The following CDC42BPA variants were observed in gnomAD, a reference collection of about 807,000 sequenced individuals.
CDC42BPA encodes the protein serine/threonine-protein kinase MRCK alpha.
A neutral mutation model predicts 223.5 loss-of-function variants in CDC42BPA; 80 were observed. The observed-to-expected ratio is 0.36, with a 90% CI of 0.30 to 0.43. The LOEUF is 0.43. CDC42BPA is among the 20% of genes least tolerant of loss of function. The pLI is 1.00. For synonymous variants in CDC42BPA, 694 were observed against 718.6 expected, an observed-to-expected ratio of 0.97 and a Z score of 0.55; for missense variants, 1,743 against 2,099.9, an observed-to-expected ratio of 0.83 and a Z score of 3.32.
intron 20 of CDC42BPA, among the ~76,000 whole-genome samples, chr1:227,071,719 C>CA (rs1041364712): frequency 2.0e-5 from 1 of 51,080 alleles, no homozygotes; most frequent in Non-Finnish European, 3.7e-5. Flanking sequence ...ATCCCACCCC[C>CA]CCCCCCCCAA....
rs565016280 is a variant in CDC42BPA at position 227,119,933 on chromosome 1, T to C, written c.1518A>G (p.Ser506=). ...CTTCAAGTTGCTGTTCCAAATGACT[T>C]GATTCTAAAAACAAAAGACAATGTT... is the stretch of plus-strand genomic sequence containing the variant. ...IEKLRKQVTE[S]SHLEQQLEEA... The change falls in exon 12 of 37, where the codon TCA becomes TCG. Residue 506 remains serine (S), a synonymous_variant. Coordinates refer to ENST00000366766, the MANE Select transcript of CDC42BPA (RefSeq NM_001394014.1). The C allele has an allele frequency of 7.6e-6, 12 of 1,583,584 alleles. No individual in the cohort carries two copies. The highest frequency in any genetic ancestry group is 8.6e-6 in the Non-Finnish European group (10 of 1,169,286).
At chr1:227,269,917 G>A (rs1183917224) in intron 1 of CDC42BPA, among the ~76,000 whole-genome samples, 1 of 152,116 alleles carries the variant, frequency 6.6e-6, no homozygotes, top group African/African-American at 2.4e-5. Flanking sequence ...TTATATTGCA[G>A]TAACTAAATA....
chr1:227,133,109 C>A (rs1657627884), intron 10 of CDC42BPA, among the ~76,000 whole-genome samples: 1 of 149,914 alleles, frequency 6.7e-6, no homozygotes. Context: ...CCCCGCCCGG[C>A]CAGCCGCCCT....
Position 227,006,949 on chromosome 1 carries a change from T to TCAACAACAACAA in CDC42BPA, c.4858-1850_4858-1839dup, listed in dbSNP as rs58305329. Reference sequence around the variant, plus strand: ...TCACTCTGCAGAGTGAGACTCCGTCTCAACAACAACAACAACAACAACAAC... The same window carrying TCAACAACAACAA: ...TCACTCTGCAGAGTGAGACTCCGTCTCAACAACAACAACAACAACAACAACAACAACAACAAC... On this transcript the variant is annotated intron_variant, in intron 34 of 36. Coordinates refer to ENST00000366766, the MANE Select transcript of CDC42BPA (RefSeq NM_001394014.1). 5.3e-3 allele frequency among the ~76,000 whole-genome samples: 781 copies of TCAACAACAACAA among 148,130 alleles called. 9 individuals carry two copies. Among genetic ancestry groups the TCAACAACAACAA allele is most frequent in the East Asian group, 0.021 (104 of 4,914 alleles).
intron 2 of CDC42BPA, among the ~76,000 whole-genome samples, chr1:227,236,340 C>A (rs1679012925): frequency 6.6e-6 from 1 of 152,086 alleles, no homozygotes; most frequent in Admixed American, 6.6e-5. Flanking sequence ...AATAACTGTG[C>A]CATTAAAAGT....
chr1:227,233,488 T>C (rs1572528245), intron 2 of CDC42BPA, among the ~76,000 whole-genome samples: 1 of 152,240 alleles, frequency 6.6e-6, no homozygotes, highest in South Asian at 2.1e-4. Flanking sequence ...GCATAAATCC[T>C]TTATCAAGTT....
chr1:227,316,087 G>C (rs1197297074), intron 1 of CDC42BPA, among the ~76,000 whole-genome samples: 1 of 152,116 alleles, frequency 6.6e-6, no homozygotes, highest in African/African-American at 2.4e-5. Context: ...GTATTCCAAA[G>C]GTACAAAATC....
chr1:227,074,538 T>C (rs951969144), intron 17 of CDC42BPA, among the ~76,000 whole-genome samples, 174 bp from the exon 18 acceptor site: 1 of 152,188 alleles, frequency 6.6e-6, no homozygotes, highest in Non-Finnish European at 1.5e-5. Flanking sequence ...GGAAGAGGTT[T>C]ATGGAACTGT....
At chr1:227,071,812 T>C (rs999912018) in intron 20 of CDC42BPA, among the ~76,000 whole-genome samples, 3 of 144,704 alleles carry the variant, frequency 2.1e-5, no homozygotes, top group African/African-American at 7.6e-5. Flanking sequence ...TTAACACACA[T>C]TGCCACTGTC....
At chr1:227,028,032 A>G (rs1397495006) in intron 30 of CDC42BPA, among the ~76,000 whole-genome samples, 1 of 151,770 alleles carries the variant, frequency 6.6e-6, no homozygotes, top group African/African-American at 2.4e-5. Context: ...AAGTAGGAGG[A>G]CTGCTTCAGT....
chr1:227,306,107 T>C (rs191043201), intron 1 of CDC42BPA, among the ~76,000 whole-genome samples: 2 of 151,622 alleles, frequency 1.3e-5, no homozygotes, highest in South Asian at 2.1e-4. Flanking sequence ...AAGCAGGATG[T>C]TGACATGATC....
chr1:227,100,459 A>G (rs1307187826), intron 15 of CDC42BPA, among the ~76,000 whole-genome samples: 1 of 152,080 alleles, frequency 6.6e-6, no homozygotes, highest in Non-Finnish European at 1.5e-5. Flanking sequence ...TTTATGTTTC[A>G]GTCATAGTAA....
At chr1:227,167,401 G>T (rs563606942) in intron 5 of CDC42BPA, among the ~76,000 whole-genome samples, 1 of 152,232 alleles carries the variant, frequency 6.6e-6, no homozygotes, top group South Asian at 2.1e-4. Flanking sequence ...AAATCCAGTA[G>T]CATCTTTTTA....
chr1:227,254,832 G>C (rs963703636), intron 1 of CDC42BPA, among the ~76,000 whole-genome samples: 4 of 152,166 alleles, frequency 2.6e-5, no homozygotes, highest in Non-Finnish European at 5.9e-5. Flanking sequence ...GGAGATAACA[G>C]ATAAATTGAA....
chr1:227,063,775 A>G (rs1198438675), intron 21 of CDC42BPA, among the ~76,000 whole-genome samples: 1 of 152,134 alleles, frequency 6.6e-6, no homozygotes, highest in Admixed American at 6.5e-5. Flanking sequence ...TTTCCTACCA[A>G]TTCTCACATA....
At chr1:227,000,409 A>G (rs574812900) in intron 35 of CDC42BPA, among the ~76,000 whole-genome samples, 6 of 152,364 alleles carry the variant, frequency 3.9e-5, no homozygotes, top group Admixed American at 3.9e-4. Context: ...AGTTCAAAAA[A>G]TAATGAAAAA....
intron 12 of CDC42BPA, among the ~76,000 whole-genome samples, chr1:227,118,108 A>G (rs966001668): frequency 6.6e-6 from 1 of 152,214 alleles, no homozygotes; most frequent in Non-Finnish European, 1.5e-5. Flanking sequence ...TAGATTGGCC[A>G]AAAGTAATAA....
rs1196658904 is a variant in CDC42BPA, at chr1:227,129,702, C to CATATATATATATATAT, written c.1391-472_1391-471insATATATATATATATAT. Among the ~76,000 whole-genome samples the CATATATATATATATAT allele has an allele frequency of 9.3e-4, 66 of 70,930 alleles. 2 individuals carry two copies. Among genetic ancestry groups the CATATATATATATATAT allele is most frequent in the Middle Eastern group, 8.6e-3 (1 of 116 alleles). 46.5% of individuals were successfully genotyped at this position (70,930 alleles called of 152,430 possible). A position where few individuals can be genotyped will look rare whatever the true frequency, so the allele number is the denominator to read the frequency against. Reference sequence around the variant, plus strand: ...AAAAAAAAAAAAAAAAAATCCACTGCATATATATATATACAAAAGAATCCA... The same window carrying CATATATATATATATAT: ...AAAAAAAAAAAAAAAAAATCCACTGCATATATATATATATATATATATATATATACAAAAGAATCCA... On this transcript the variant is annotated intron_variant, in intron 10 of 36. Coordinates refer to ENST00000366766, the MANE Select transcript of CDC42BPA (RefSeq NM_001394014.1).
At chr1:227,079,960 T>C (rs1680291606) in intron 17 of CDC42BPA, among the ~76,000 whole-genome samples, 1 of 151,992 alleles carries the variant, frequency 6.6e-6, no homozygotes, top group Admixed American at 6.6e-5. Context: ...ATATACATCT[T>C]ATAAACATAG....
Sources: allele counts gnomAD v4.1 joint callset (sites outside exome capture counted in the v4.1 genomes callset), GRCh38; gene constraint gnomAD v4.1.1; transcripts MANE v1.5; gene names NCBI Gene and HGNC (gene_info 2026-07-23, HGNC 2026-07-21).